LOXHD1: variants seen among roughly 807,000 people sequenced by gnomAD.
The protein encoded by LOXHD1 is lipoxygenase homology domain-containing protein 1.
LOXHD1 carries 205 observed loss-of-function variants against 248.2 expected under a neutral mutation model. The ratio of observed to expected loss-of-function variants is 0.83; its 90% CI spans 0.74 to 0.93. LOXHD1 has a LOEUF of 0.93. LOXHD1 is among the 40% of genes least tolerant of loss of function. LOXHD1 has a pLI of 0.00. For missense variants in LOXHD1, 2,930 were observed against 2,971.6 expected (o/e 0.99, Z 0.33); for synonymous variants, 1,113 against 1,162.8 (o/e 0.96, Z 0.87).
intron 7 of LOXHD1, among the ~76,000 whole-genome samples, chr18:46,603,425 C>T (rs937849459): frequency 9.9e-5 from 15 of 152,076 alleles, no homozygotes; most frequent in African/African-American, 3.1e-4. Context: ...GTACATTATA[C>T]TACAGAACAT....
intron 5 of LOXHD1, among the ~76,000 whole-genome samples, chr18:46,617,271 G>A (rs1171790908): frequency 6.6e-6 from 1 of 152,154 alleles, no homozygotes; most frequent in South Asian, 2.1e-4. Flanking sequence ...GTACTGATGA[G>A]CAAATTTTTT....
Position 46,522,082 on chromosome 18 carries a change from G to C in LOXHD1, c.5085+19C>G, listed in dbSNP as rs2035603168. ...ATCCCTAGGGTGGTCACTATCATGGGGCCCCGAGAAGCCAGCACCTCTATT... is the reference window on the plus strand; with the variant it reads ...ATCCCTAGGGTGGTCACTATCATGGCGCCCCGAGAAGCCAGCACCTCTATT... On this transcript the variant is annotated intron_variant, in intron 32 of 40. Transcript: ENST00000642948. 1 of 1,539,812 alleles carries C rather than the reference G, an allele frequency of 6.5e-7. No individual in the cohort carries two copies. Among genetic ancestry groups the C allele is most frequent in the African/African-American group, 1.4e-5 (1 of 72,886 alleles).
intron 36 of LOXHD1, among the ~76,000 whole-genome samples, chr18:46,506,234 G>A (rs1359657006): frequency 1.3e-5 from 2 of 152,184 alleles, no homozygotes; most frequent in East Asian, 3.9e-4. Flanking sequence ...CCTTACAAAA[G>A]CTTTTGGTCT....
At chr18:46,604,324 T>C in intron 6 of LOXHD1, 95 bp from the exon 7 acceptor site, 1 of 1,479,454 alleles carries the variant, frequency 6.8e-7, no homozygotes, top group Non-Finnish European at 9.1e-7. Context: ...GAGTCTACTT[T>C]AAGAATGTAC....
intron 5 of LOXHD1, among the ~76,000 whole-genome samples, chr18:46,611,401 T>G (rs949643190): frequency 2.0e-5 from 3 of 152,222 alleles, no homozygotes; most frequent in African/African-American, 7.2e-5. Flanking sequence ...TCTCATTTAT[T>G]CCTCACCACA....
intron 37 of LOXHD1, among the ~76,000 whole-genome samples, chr18:46,495,643 A>T (rs879098813): frequency 6.6e-6 from 1 of 152,150 alleles, no homozygotes; most frequent in Non-Finnish European, 1.5e-5. Flanking sequence ...TCACAGACTT[A>T]CTCAGTATAC....
At chr18:46,478,529 G>A (rs1461193780) in intron 40 of LOXHD1, among the ~76,000 whole-genome samples, 4 of 152,132 alleles carry the variant, frequency 2.6e-5, no homozygotes, top group Non-Finnish European at 1.5e-5. Flanking sequence ...GCAGCCATGT[G>A]ATCCTATTGA....
chr18:46,578,821 C>T (rs2037907610), intron 13 of LOXHD1, among the ~76,000 whole-genome samples: 1 of 152,236 alleles, frequency 6.6e-6, no homozygotes, highest in Non-Finnish European at 1.5e-5. Flanking sequence ...CATCCACTGC[C>T]CCTAATGCTC....
intron 34 of LOXHD1, among the ~76,000 whole-genome samples, chr18:46,515,736 C>T (rs796643429): frequency 3.3e-4 from 51 of 152,262 alleles, no homozygotes; most frequent in African/African-American, 1.2e-3. Flanking sequence ...ACTGAATATG[C>T]AAACAATAGT....
At chr18:46,656,851 T>G in intron 1 of LOXHD1, 53 bp downstream of exon 1, 1 of 1,539,660 alleles carries the variant, frequency 6.5e-7, no homozygotes, top group Admixed American at 2.0e-5. Context: ...AACAGACCCC[T>G]GCCCACCGCA....
chr18:46,624,348 G>T (rs988040650), intron 4 of LOXHD1, among the ~76,000 whole-genome samples: 2 of 152,182 alleles, frequency 1.3e-5, no homozygotes, highest in Non-Finnish European at 2.9e-5. Flanking sequence ...GGGAGATGAG[G>T]GGGAATGTTC....
At chr18:46,588,485 C>G (rs1433480348) in intron 12 of LOXHD1, among the ~76,000 whole-genome samples, 3 of 152,176 alleles carry the variant, frequency 2.0e-5, no homozygotes, top group African/African-American at 7.2e-5. Context: ...TGTGTACGAG[C>G]ACATTTTATA....
At chr18:46,634,791 G>A (rs1183400715) in intron 4 of LOXHD1, among the ~76,000 whole-genome samples, 1 of 152,126 alleles carries the variant, frequency 6.6e-6, no homozygotes, top group African/African-American at 2.4e-5. Flanking sequence ...CTCAGGGGTG[G>A]GGAACAATGG....
chr18:46,551,163 C>T (rs1363165632), intron 21 of LOXHD1, among the ~76,000 whole-genome samples: 5 of 150,006 alleles, frequency 3.3e-5, no homozygotes, highest in African/African-American at 7.4e-5. Context: ...AGTGCAGTGG[C>T]GCAATCTCGG....
intron 12 of LOXHD1, among the ~76,000 whole-genome samples, chr18:46,583,072 C>T (rs1384450784): frequency 6.6e-6 from 1 of 152,110 alleles, no homozygotes. Flanking sequence ...GATAATGGAT[C>T]TAACTATCTT....
At chr18:46,649,690 A>G (rs2039083332) in intron 1 of LOXHD1, among the ~76,000 whole-genome samples, 1 of 151,934 alleles carries the variant, frequency 6.6e-6, no homozygotes, top group South Asian at 2.1e-4. Flanking sequence ...CTCACCTCCC[A>G]TGACCTCCTG....
chr18:46,517,293 T>C (rs912698323), intron 34 of LOXHD1, among the ~76,000 whole-genome samples: 1 of 152,146 alleles, frequency 6.6e-6, no homozygotes, highest in Admixed American at 6.5e-5. Flanking sequence ...GAGGGCCATC[T>C]TTAATGTCAT....
chr18:46,639,667 G>T lies in LOXHD1; in HGVS notation c.460C>A (p.Gln154Lys), dbSNP rs1439104033. ...CTGGCCAGCAGGTCACGGCACCACT[G>T]GCGGTCACCTTCCACCTTGCTCAGC... ...NWLSKVEGDR[Q>K]WCRDLLASFN... Residue 154 changes from glutamine (Q) to lysine (K), a missense_variant, in exon 4 of 41, where the codon CAG becomes AAG. Transcript: ENST00000642948. 7 of 1,551,650 alleles carry T rather than the reference G, an allele frequency of 4.5e-6. No individual in the cohort carries two copies. The African/African-American group carries it at 9.6e-5, about 21-fold the overall frequency.
chr18:46,503,401 A>G (rs932396763), intron 37 of LOXHD1, among the ~76,000 whole-genome samples: 1 of 152,178 alleles, frequency 6.6e-6, no homozygotes, highest in African/African-American at 2.4e-5. Flanking sequence ...GCCTGTGGAG[A>G]TACACAGAAT....
Sources: allele counts gnomAD v4.1 joint callset (sites outside exome capture counted in the v4.1 genomes callset), GRCh38; gene constraint gnomAD v4.1.1; transcripts MANE v1.5; gene names NCBI Gene and HGNC (gene_info 2026-07-23, HGNC 2026-07-21).